Variants in ZC3H11A observed in about 807,000 individuals in gnomAD.
ZC3H11A encodes zinc finger CCCH-type containing 11A.
In ZC3H11A, 22 loss-of-function variants were observed where a neutral mutation model predicts 90.8. The observed-to-expected ratio is 0.24, with a 90% CI of 0.17 to 0.35. The LOEUF is 0.35. Ranked by LOEUF, ZC3H11A falls within the 10% of genes least tolerant of loss-of-function variation. ZC3H11A has a pLI of 1.00. For synonymous variants in ZC3H11A, 294 were observed against 339.8 expected, an observed-to-expected ratio of 0.87 and a Z score of 1.48; for missense variants, 701 against 964.9, an observed-to-expected ratio of 0.73 and a Z score of 3.62.
intron 1 of ZC3H11A, chr1:203,799,969 A>G: frequency 6.5e-7 from 1 of 1,536,132 alleles, no homozygotes; most frequent in Non-Finnish European, 8.7e-7. Context: ...CCAACTTCAG[A>G]AGCTTCTTGT....
At position 203,851,118 on chromosome 1, in the gene ZC3H11A, G is replaced by C. The variant is rs1689143721; in HGVS notation, c.2168G>C (p.Arg723Thr). The C allele has an allele frequency of 1.2e-6, 2 of 1,614,142 alleles. No homozygotes were observed. Among genetic ancestry groups the C allele is most frequent in the Non-Finnish European group, 1.7e-6 (2 of 1,180,006 alleles). Residue 723 changes from arginine to threonine, a missense_variant, in exon 17 of 18, where the codon AGA (arginine) becomes ACA (threonine). By Grantham distance (71) the Arg-to-Thr change is moderately conservative. Transcript: ENST00000367210. ...ACTGTGCCTGAAGCAGAAAATCCTA[G>C]AGACAGGTAATACTTTGTAATTCTT... ...SVTVPEAENPRDSLVLPPTQS... is the reference protein window; with the variant it reads ...SVTVPEAENPTDSLVLPPTQS...
At chr1:203,797,814 G>A (rs1669111238) in intron 1 of ZC3H11A, 10 of 1,536,078 alleles carry the variant, frequency 6.5e-6, no homozygotes, top group South Asian at 1.2e-5. Flanking sequence ...TGTTGCAGAT[G>A]CCCCTGCTTT....
chr1:203,817,223 A>T (rs1676648799), intron 3 of ZC3H11A, 99 bp downstream of exon 3: 1 of 972,944 alleles, frequency 1.0e-6, no homozygotes, highest in East Asian at 3.0e-5. Flanking sequence ...TTATATATAT[A>T]TTTTTTGCCC....
intron 12 of ZC3H11A, among the ~76,000 whole-genome samples, chr1:203,842,434 C>G (rs1686676771): frequency 6.6e-6 from 1 of 152,130 alleles, no homozygotes; most frequent in Non-Finnish European, 1.5e-5. Context: ...CCGTCTCCAC[C>G]AAAACATGCA....
rs1681793682 is a variant in ZC3H11A at position 203,830,149 on chromosome 1, A to G, written c.646A>G (p.Thr216Ala). The change falls in exon 8 of 18, where the codon ACT (threonine) becomes GCT (alanine). Residue 216 changes from threonine to alanine, a missense_variant. Physicochemically the swap from Thr to Ala is moderately conservative, Grantham distance 58. This residue lies in a region of ZC3H11A where 530 missense variants were observed against 696.2 expected (regional missense o/e 0.76). Transcript: ENST00000367210. ...QGECLNFGIK[T>A]LEEIKSKKMK... ...TGAATGTTTGAATTTTGGAATAAAA[A>G]CTCTTGAGGAAATTAAGTCAAAGAA... 1 of 1,597,990 alleles carries G rather than the reference A, an allele frequency of 6.3e-7. No homozygotes were observed.
rs1319023339 is a variant in ZC3H11A at position 203,829,189 on chromosome 1, C to T, written c.299-262C>T. ...AAATTAAAGGTCTAGAATTTGTGAA[C>T]AGGTACTATGCTTCTTCTAGTCTTC... On this transcript the variant is annotated intron_variant, in intron 5 of 17. Transcript: ENST00000367210. The T allele has an allele frequency of 2.0e-5, 10 of 495,228 alleles. No homozygotes were observed. In the East Asian group the frequency reaches 3.5e-4, roughly 18 times the overall value. The allele number at this position is 495,228 out of a possible 1,614,324, so 30.7% of individuals were successfully genotyped here.
chr1:203,809,752 G>A (rs1353032798), intron 2 of ZC3H11A, among the ~76,000 whole-genome samples: 3 of 151,886 alleles, frequency 2.0e-5, no homozygotes, highest in Admixed American at 6.6e-5. Context: ...TCAGGAGTTC[G>A]AGACCAATCT....
rs1689723077 is a variant in ZC3H11A at position 203,853,970 on chromosome 1, T to A, written c.*1571T>A. 6.5e-6 allele frequency: 1 copy of A among 152,696 alleles called. No homozygotes were observed. The highest frequency in any genetic ancestry group is 2.4e-5 in the African/African-American group (1 of 41,472). 9.5% of individuals were successfully genotyped at this position (152,696 alleles called of 1,614,324 possible). ...GATTCCAGGTCCCTTTTGTATATATTCTTTATTCTTTTGCTTTTTTAAAAA... is the reference window on the plus strand; with the variant it reads ...GATTCCAGGTCCCTTTTGTATATATACTTTATTCTTTTGCTTTTTTAAAAA... On this transcript the variant is annotated 3_prime_UTR_variant, in exon 18 of 18. Coordinates refer to ENST00000367210, the MANE Select transcript of ZC3H11A (RefSeq NM_001376342.1).
At chr1:203,798,383 A>T (rs1395668809) in intron 1 of ZC3H11A, 1 of 1,534,926 alleles carries the variant, frequency 6.5e-7, no homozygotes, top group Non-Finnish European at 8.7e-7. Context: ...TGTGTAATAT[A>T]TGTAAAAGAA....
At chr1:203,821,811 G>T (rs568434471) in intron 4 of ZC3H11A, among the ~76,000 whole-genome samples, 3 of 151,312 alleles carry the variant, frequency 2.0e-5, no homozygotes, top group South Asian at 4.2e-4. Context: ...AGGCTGGAGT[G>T]CAGTGGCGCG....
intron 2 of ZC3H11A, among the ~76,000 whole-genome samples, chr1:203,812,206 G>C (rs1271056011): frequency 6.6e-6 from 1 of 152,088 alleles, no homozygotes; most frequent in African/African-American, 2.4e-5. Flanking sequence ...TTGTTGTACA[G>C]ATTATTTCAT....
intron 1 of ZC3H11A, chr1:203,796,572 G>A (rs1558084524): frequency 2.5e-6 from 1 of 398,092 alleles, no homozygotes; most frequent in South Asian, 1.3e-4. Flanking sequence ...GAAAGAGGCT[G>A]TGGAACTAGA....
At chr1:203,811,849 A>T (rs1263215842) in intron 2 of ZC3H11A, among the ~76,000 whole-genome samples, 1 of 145,306 alleles carries the variant, frequency 6.9e-6, no homozygotes, top group Non-Finnish European at 1.5e-5. Flanking sequence ...GACAGGTCTC[A>T]CTGTCACCCA....
At chr1:203,850,448 T>G (rs1688988564) in intron 15 of ZC3H11A, 67 bp from the exon 16 acceptor site, 1 of 1,579,390 alleles carries the variant, frequency 6.3e-7, no homozygotes, top group Non-Finnish European at 8.7e-7. Flanking sequence ...GATATTTTAT[T>G]CTGAATTATT....
chr1:203,851,159 G>T, intron 17 of ZC3H11A, 35 bp downstream of exon 17: 7 of 1,601,430 alleles, frequency 4.4e-6, no homozygotes, highest in Non-Finnish European at 6.0e-6. Context: ...ACAAACTCCA[G>T]GCCCCTGTTA....
chr1:203,805,815 A>G (rs2102516794), intron 2 of ZC3H11A: 1 of 857,378 alleles, frequency 1.2e-6, no homozygotes, highest in South Asian at 1.3e-5. Flanking sequence ...CTGGGCCGCC[A>G]TAACTGCGAC....
In ZC3H11A at chr1:203,810,878, C is replaced by T. The variant is rs1219080776; in HGVS notation, c.-145-6048C>T. 1.3e-5 allele frequency among the ~76,000 whole-genome samples: 2 copies of T among 151,898 alleles called. 1 individual carries two copies. Among genetic ancestry groups the T allele is most frequent in the East Asian group, 3.9e-4 (2 of 5,180 alleles). ...TGGGCCAGACGCTCACGCCTGTAAT[C>T]CCAGCACTTTGAGAGGTTGAGGCGG... On this transcript the variant is annotated intron_variant, in intron 2 of 17. Coordinates refer to ENST00000367210, the MANE Select transcript of ZC3H11A (RefSeq NM_001376342.1).
In ZC3H11A at chr1:203,835,427, TAGAAG is replaced by T. The variant is rs371530565; in HGVS notation, c.874+1578_874+1582del. On this transcript the variant is annotated intron_variant, in intron 10 of 17. Coordinates refer to ENST00000367210, the MANE Select transcript of ZC3H11A (RefSeq NM_001376342.1). ...TATACAGTCATTTACGAAAAAAGCT[TAGAAG>T]AGACAGAAATGAGGCAGTCTTTAGA... is the stretch of plus-strand genomic sequence containing the variant. 9.8e-5 allele frequency among the ~76,000 whole-genome samples: 15 copies of T among 152,342 alleles called. 1 individual carries two copies. Among genetic ancestry groups the T allele is most frequent in the East Asian group, 7.7e-4 (4 of 5,194 alleles).
intron 15 of ZC3H11A, 25 bp downstream of exon 15, chr1:203,850,051 G>T: frequency 6.3e-7 from 1 of 1,596,724 alleles, no homozygotes; most frequent in Non-Finnish European, 8.5e-7. Flanking sequence ...ACTGTGTATT[G>T]CTTTAGGTTA....
Sources: allele counts gnomAD v4.1 joint callset (sites outside exome capture counted in the v4.1 genomes callset), GRCh38; gene constraint gnomAD v4.1.1; regional missense constraint gnomAD v4.1.1; transcripts MANE v1.5; gene names NCBI Gene and HGNC (gene_info 2026-07-23, HGNC 2026-07-21).